MARCHF1: variants seen among roughly 807,000 people sequenced by gnomAD.
MARCHF1 encodes the protein membrane associated ring-CH-type finger 1.
A neutral mutation model predicts 54.2 loss-of-function variants in MARCHF1; 40 were observed. That is an observed-to-expected ratio of 0.74 (90% confidence interval 0.57 to 0.96). MARCHF1 has a LOEUF of 0.96. Among genes scored for constraint, MARCHF1 ranks in the 40% least tolerant of loss-of-function variants. MARCHF1 has a pLI of 0.00. For synonymous variants in MARCHF1, 236 were observed against 236.3 expected, an observed-to-expected ratio of 1.00 and a Z score of 0.01; for missense variants, 586 against 656.5, an observed-to-expected ratio of 0.89 and a Z score of 1.17.
intron 2 of MARCHF1, among the ~76,000 whole-genome samples, chr4:163,994,738 C>A (rs2110902030): frequency 1.5e-5 from 1 of 66,492 alleles, no homozygotes; most frequent in East Asian, 3.9e-4. Flanking sequence ...ATCAAGCACA[C>A]ATACACACAC....
intron 4 of MARCHF1, among the ~76,000 whole-genome samples, chr4:163,741,349 C>T (rs1746189203): frequency 6.6e-6 from 1 of 151,970 alleles, no homozygotes; most frequent in Non-Finnish European, 1.5e-5. Flanking sequence ...CTTTGGGAGG[C>T]CGAGGTGGGT....
intron 1 of MARCHF1, among the ~76,000 whole-genome samples, chr4:164,362,427 A>C (rs947455657): frequency 1.3e-5 from 2 of 152,130 alleles, no homozygotes; most frequent in Non-Finnish European, 2.9e-5. Context: ...CAGGGGGTAC[A>C]TGATTATGTG....
At chr4:163,597,059 G>A (rs1740799311) in intron 7 of MARCHF1, among the ~76,000 whole-genome samples, 1 of 152,098 alleles carries the variant, frequency 6.6e-6, no homozygotes, top group Non-Finnish European at 1.5e-5. Flanking sequence ...GGGTTCAAAG[G>A]ATTCTCCTGT....
intron 3 of MARCHF1, among the ~76,000 whole-genome samples, chr4:163,881,953 A>G (rs898052943): frequency 6.6e-6 from 1 of 152,220 alleles, no homozygotes; most frequent in African/African-American, 2.4e-5. Context: ...AGGCTACCCT[A>G]GTGAAAACTA....
In MARCHF1 at chr4:163,940,893, T is replaced by C. The variant is rs1052680987; in HGVS notation, c.-39+47608A>G. ...TAACATGAGATAAACATATAAAGTT[T>C]GGATCAGAGTAAACTCTCAATAAAT... On this transcript the variant is annotated intron_variant, in intron 3 of 9. Transcript: ENST00000514618. Among the ~76,000 whole-genome samples, 8 of 152,132 alleles carry C rather than the reference T, an allele frequency of 5.3e-5. 1 individual carries two copies. In the South Asian group the frequency reaches 1.2e-3, roughly 24 times the overall value.
chr4:163,970,002 G>A (rs1053054305), intron 3 of MARCHF1, among the ~76,000 whole-genome samples: 5 of 152,062 alleles, frequency 3.3e-5, no homozygotes, highest in Non-Finnish European at 7.4e-5. Context: ...GAAGGCAGGA[G>A]GATGATAATT....
intron 9 of MARCHF1, among the ~76,000 whole-genome samples, chr4:163,543,115 T>G (rs1366109307): frequency 6.6e-6 from 1 of 152,186 alleles, no homozygotes; most frequent in Admixed American, 6.5e-5. Flanking sequence ...TTCGGTTACC[T>G]TTTAATGGTT....
intron 5 of MARCHF1, among the ~76,000 whole-genome samples, chr4:163,621,856 C>G (rs1741705970): frequency 6.6e-6 from 1 of 152,044 alleles, no homozygotes; most frequent in South Asian, 2.1e-4. Context: ...GGAAGACTCA[C>G]CAGGATATTT....
Position 164,147,373 on chromosome 4 carries a change from C to T in MARCHF1, c.-322-35711G>A, listed in dbSNP as rs571203742. Among the ~76,000 whole-genome samples, 122 of 146,126 alleles carry T rather than the reference C, an allele frequency of 8.3e-4. 2 individuals are homozygous for T. Among genetic ancestry groups the T allele is most frequent in the African/African-American group, 3.1e-3 (115 of 37,400 alleles). On this transcript the variant is annotated intron_variant, in intron 1 of 9. Coordinates refer to ENST00000514618, the MANE Select transcript of MARCHF1 (RefSeq NM_001394959.1). ...ATGCTGCTATAAAGACACATGCGCA[C>T]GTATGTTTATTGCAGCATTATTCAC...
intron 2 of MARCHF1, among the ~76,000 whole-genome samples, chr4:164,091,339 A>C (rs1755295096): frequency 6.6e-6 from 1 of 150,526 alleles, no homozygotes; most frequent in Admixed American, 6.7e-5. Flanking sequence ...GTCATTTAAA[A>C]ACCTTTTTAT....
intron 5 of MARCHF1, among the ~76,000 whole-genome samples, chr4:163,699,440 T>A (rs1744737503): frequency 6.6e-6 from 1 of 152,204 alleles, no homozygotes. Flanking sequence ...CTGAAAAAAC[T>A]GGGCTTTGGA....
At chr4:164,294,491 CTGGAATA>C (rs1734363176) in intron 1 of MARCHF1, among the ~76,000 whole-genome samples, 3 of 152,158 alleles carry the variant, frequency 2.0e-5, no homozygotes, top group Non-Finnish European at 4.4e-5. Context: ...TATCCCAACT[CTGGAATA>C]TACTTTTTCA....
At position 164,197,668 on chromosome 4, in the gene MARCHF1, G is replaced by A. The variant is rs143149830; in HGVS notation, c.-322-86006C>T. On this transcript the variant is annotated intron_variant, in intron 1 of 9. Coordinates refer to ENST00000514618, the MANE Select transcript of MARCHF1 (RefSeq NM_001394959.1). ...GGCAAGTTCTTTCACATCAGAGGGCGCCCTGTTCCGCAGCTCTGAATGAAT... is the reference window on the plus strand; with the variant it reads ...GGCAAGTTCTTTCACATCAGAGGGCACCCTGTTCCGCAGCTCTGAATGAAT... 1.2e-4 allele frequency: 201 copies of A among 1,612,542 alleles called. No individual in the cohort carries two copies. In the African/African-American group the frequency reaches 1.6e-3, roughly 13 times the overall value.
At chr4:164,354,433 TC>T (rs1317053220) in intron 1 of MARCHF1, among the ~76,000 whole-genome samples, 1 of 134,630 alleles carries the variant, frequency 7.4e-6, no homozygotes, top group African/African-American at 2.8e-5. Flanking sequence ...GTGGGCTTCA[TC>T]CCTGGGATGC....
chr4:164,288,859 T>G (rs1286936491), intron 1 of MARCHF1, among the ~76,000 whole-genome samples: 1 of 152,086 alleles, frequency 6.6e-6, no homozygotes, highest in Non-Finnish European at 1.5e-5. Flanking sequence ...TGTTATTGAC[T>G]CTCAGCAAGG....
chr4:164,362,612 G>T (rs1730754652), intron 1 of MARCHF1, among the ~76,000 whole-genome samples: 1 of 152,048 alleles, frequency 6.6e-6, no homozygotes, highest in South Asian at 2.1e-4. Context: ...AATAACTGAG[G>T]TTCAAATGGT....
At chr4:164,043,270 G>T (rs1754167358) in intron 2 of MARCHF1, among the ~76,000 whole-genome samples, 2 of 152,164 alleles carry the variant, frequency 1.3e-5, no homozygotes, top group African/African-American at 2.4e-5. Flanking sequence ...CTTCTGCCTG[G>T]ACATCCAGGC....
intron 5 of MARCHF1, 41 bp downstream of exon 5, chr4:163,700,772 G>A: frequency 2.1e-6 from 3 of 1,426,700 alleles, no homozygotes; most frequent in East Asian, 2.5e-5. Context: ...AACTCATGAA[G>A]TGCAGAAGTC....
rs189199266 is a variant in MARCHF1 at position 164,119,066 on chromosome 4, T to G, written c.-322-7404A>C. On this transcript the variant is annotated intron_variant, in intron 1 of 9. Transcript: ENST00000514618. ...ATTAAGGGTTTTTGCATACCAAAAA[T>G]GGAAGGCACATCTTCTTCAAATAAG... Among the ~76,000 whole-genome samples, 89 of 151,340 alleles carry G rather than the reference T, an allele frequency of 5.9e-4. 1 individual carries two copies. The highest frequency in any genetic ancestry group is 2.5e-3 in the East Asian group (13 of 5,158).
Sources: allele counts gnomAD v4.1 joint callset (sites outside exome capture counted in the v4.1 genomes callset), GRCh38; gene constraint gnomAD v4.1.1; transcripts MANE v1.5; gene names NCBI Gene and HGNC (gene_info 2026-07-23, HGNC 2026-07-21).